The following RPL35 variants were observed in gnomAD, a reference collection of about 807,000 sequenced individuals.
The protein encoded by RPL35 is ribosomal protein L35, also known as large ribosomal subunit protein uL29.
In RPL35, 2 loss-of-function variants were observed where a neutral mutation model predicts 15.6. The ratio of observed to expected loss-of-function variants is 0.13; its 90% CI spans 0.05 to 0.40. RPL35 has a LOEUF of 0.40. Ranked by LOEUF, RPL35 falls within the 10% of genes least tolerant of loss-of-function variation. The pLI, the probability that RPL35 is intolerant of heterozygous loss-of-function variation, is 0.99. For synonymous variants in RPL35, 93 were observed against 67.9 expected (o/e 1.37, Z -1.82); for missense variants, 111 against 164.7 (o/e 0.67, Z 1.79).
Position 124,858,973 on chromosome 9 carries a change from C to T in RPL35, c.223-906G>A, listed in dbSNP as rs1298916858. ...GCCAGCCCTGGAGGGTACTTGGAAG[C>T]AGGAAAGTCTTTGTCCTCCCACATC... On this transcript the variant is annotated intron_variant, in intron 3 of 3. Transcript: ENST00000348462. Among the ~76,000 whole-genome samples, 45 of 152,220 alleles carry T rather than the reference C, an allele frequency of 3.0e-4. 1 individual carries two copies. Among genetic ancestry groups the T allele is most frequent in the Admixed American group, 2.9e-3 (45 of 15,280 alleles).
rs967170193 is a variant in RPL35 at position 124,860,096 on chromosome 9, G to T, written c.222+87C>A. On this transcript the variant is annotated intron_variant, in intron 3 of 3. Coordinates refer to ENST00000348462, the MANE Select transcript of RPL35 (RefSeq NM_007209.4). Reference sequence around the variant, plus strand: ...TAACCACTCTCAGCCCACGCACCAAGAAAAACCTCTTTACCATGTCCCCGG... The same window carrying T: ...TAACCACTCTCAGCCCACGCACCAATAAAAACCTCTTTACCATGTCCCCGG... 4.5e-5 allele frequency: 46 copies of T among 1,011,502 alleles called. 1 individual carries two copies. In the South Asian group the frequency reaches 5.6e-4, roughly 12 times the overall value. 62.7% of individuals were successfully genotyped at this position (1,011,502 alleles called of 1,614,324 possible).
At chr9:124,858,327 T>C (rs1291948043) in intron 3 of RPL35, 20 of 622,386 alleles carry the variant, frequency 3.2e-5, no homozygotes, top group Non-Finnish European at 3.0e-6. Flanking sequence ...AGCCGGGGCT[T>C]GCATCTCAGT....
At chr9:124,860,449 G>C (rs775464638) in intron 2 of RPL35, among the ~76,000 whole-genome samples, 185 bp from the exon 3 acceptor site, 2 of 152,192 alleles carry the variant, frequency 1.3e-5, no homozygotes, top group Non-Finnish European at 2.9e-5. Flanking sequence ...AGACAGCAGA[G>C]GCTTTATGAG....
At chr9:124,858,155 G>T in intron 3 of RPL35, 88 bp from the exon 4 acceptor site, 1 of 1,409,236 alleles carries the variant, frequency 7.1e-7, no homozygotes, top group Non-Finnish European at 9.7e-7. Flanking sequence ...GCCATCCAGA[G>T]CCACTCAGGA....
chr9:124,859,196 G>A (rs973321550), intron 3 of RPL35, among the ~76,000 whole-genome samples: 1 of 152,146 alleles, frequency 6.6e-6, no homozygotes, highest in African/African-American at 2.4e-5. Flanking sequence ...TTTTTGAGAT[G>A]AGGCCTCACT....
In RPL35 at chr9:124,858,944, G is replaced by A. The variant is rs1198952047; in HGVS notation, c.223-877C>T. ...GGACTGCAGAAAGATCCTGGACAATGAGGGCCAGCCCTGGAGGGTACTTGG... is the reference window on the plus strand; with the variant it reads ...GGACTGCAGAAAGATCCTGGACAATAAGGGCCAGCCCTGGAGGGTACTTGG... On this transcript the variant is annotated intron_variant, in intron 3 of 3. Coordinates refer to ENST00000348462, the MANE Select transcript of RPL35 (RefSeq NM_007209.4). Among the ~76,000 whole-genome samples the A allele has an allele frequency of 2.0e-5, 3 of 152,204 alleles. No homozygotes were observed. The East Asian group carries it at 5.8e-4, about 29-fold the overall frequency.
At chr9:124,861,117 A>G (rs1340654420) in intron 2 of RPL35, 7 of 370,410 alleles carry the variant, frequency 1.9e-5, no homozygotes, top group Non-Finnish European at 3.0e-5. Context: ...TCCAGGGTGC[A>G]AGCCACCCAC....
chr9:124,861,785 G>A (rs1829202356), intron 1 of RPL35, 125 bp downstream of exon 1: 1 of 1,393,700 alleles, frequency 7.2e-7, no homozygotes, highest in South Asian at 1.4e-5. Context: ...GGTGGCGCCA[G>A]ACCATTCTGC....
At chr9:124,861,885 T>G in intron 1 of RPL35, 25 bp downstream of exon 1, 1 of 1,602,662 alleles carries the variant, frequency 6.2e-7, no homozygotes, top group Non-Finnish European at 8.5e-7. Context: ...AGCGCTCGGA[T>G]GGCGCCCGAT....
At position 124,857,999 on chromosome 9, in the gene RPL35, C is replaced by T; in HGVS notation, c.291G>A (p.Lys97=). 1.2e-6 allele frequency: 2 copies of T among 1,612,320 alleles called. No individual in the cohort carries two copies. The change falls in exon 4 of 4, where the codon AAG becomes AAA. Residue 97 remains lysine (K), a synonymous_variant. Transcript: ENST00000348462. ...KTRAMRRRLN[K]HEENLKTKKQ... The stretch of plus-strand genomic sequence containing the variant: ...TCTTGGTCTTCAGGTTCTCCTCGTG[C>T]TTGTTGAGCCGGCGGCGCATGGCAC...
chr9:124,861,360 G>T, intron 2 of RPL35, 59 bp downstream of exon 2: 2 of 1,563,542 alleles, frequency 1.3e-6, no homozygotes, highest in Non-Finnish European at 8.7e-7. Flanking sequence ...ATCCTCCGAC[G>T]ATCCCGATGC....
chr9:124,861,421 C>G lies in RPL35; in HGVS notation c.138G>C (p.Lys46Asn), dbSNP rs1048164009. 1 of 1,612,562 alleles carries G rather than the reference C, an allele frequency of 6.2e-7. No homozygotes were observed. Among genetic ancestry groups the G allele is most frequent in the Non-Finnish European group, 8.5e-7 (1 of 1,179,662 alleles). The change falls in exon 2 of 4, where the codon AAG (lysine) becomes AAC (asparagine). Residue 46 changes from lysine (K) to asparagine (N), a missense_variant and splice_region_variant. Coordinates refer to ENST00000348462, the MANE Select transcript of RPL35 (RefSeq NM_007209.4). ...TGTGATCCGGCCGCCTCACTTACAT[C>G]TTAGAGAGCTTGGAGGCCGCACCGC... ...VTGGAASKLS[K>N]IRVVRKSIAR... is the part of the protein sequence containing the mutation.
rs1829178256 is a variant in RPL35 at position 124,860,394 on chromosome 9, C to T, written c.141-130G>A. The T allele has an allele frequency of 1.3e-5, 10 of 769,650 alleles. No homozygotes were observed. The South Asian group carries it at 1.3e-4, about 10-fold the overall frequency. 47.7% of individuals were successfully genotyped at this position (769,650 alleles called of 1,614,324 possible). A position where few individuals can be genotyped will look rare whatever the true frequency, so the allele number is the denominator to read the frequency against. ...CATCCATATTCACTCAGGAGGAAGGCGTTCTGGGAGTGAGGTCTGAGGAGG... is the reference window on the plus strand; with the variant it reads ...CATCCATATTCACTCAGGAGGAAGGTGTTCTGGGAGTGAGGTCTGAGGAGG... On this transcript the variant is annotated intron_variant, in intron 2 of 3. Coordinates refer to ENST00000348462, the MANE Select transcript of RPL35 (RefSeq NM_007209.4).
chr9:124,861,798 G>T lies in RPL35; in HGVS notation c.3+112C>A, dbSNP rs1829202611. The T allele has an allele frequency of 6.3e-6, 9 of 1,430,522 alleles. No individual in the cohort carries two copies. The Admixed American group carries it at 1.2e-4, about 19-fold the overall frequency. The allele number at this position is 1,430,522 out of a possible 1,614,324, so 88.6% of individuals were successfully genotyped here. The stretch of plus-strand genomic sequence containing the variant: ...GTGGTGGCGCCAGACCATTCTGCGC[G>T]GCGCCCCACAGGCCTAGGTGGCAGA... On this transcript the variant is annotated intron_variant, in intron 1 of 3. Transcript: ENST00000348462.
chr9:124,860,998 AT>A (rs1554764227), intron 2 of RPL35: 34 of 164,990 alleles, frequency 2.1e-4, no homozygotes, highest in South Asian at 1.1e-3. Flanking sequence ...CACCCATCTA[AT>A]TTTTTTTTGA....
chr9:124,860,124 AG>A lies in RPL35; in HGVS notation c.222+58del, dbSNP rs991678205. 3.1e-6 allele frequency: 4 copies of A among 1,270,472 alleles called. No homozygotes were observed. The African/African-American group carries it at 5.9e-5, about 19-fold the overall frequency. The allele number at this position is 1,270,472 out of a possible 1,614,324, so 78.7% of individuals were successfully genotyped here. On this transcript the variant is annotated intron_variant, in intron 3 of 3. Coordinates refer to ENST00000348462, the MANE Select transcript of RPL35 (RefSeq NM_007209.4). ...AAACCTCTTTACCATGTCCCCGGCC[AG>A]GGACGGCTAGCACTTGGCTTCCTGC...
chr9:124,858,399 A>T (rs2131323631), intron 3 of RPL35: 1 of 671,442 alleles, frequency 1.5e-6, no homozygotes, highest in East Asian at 2.7e-5. Flanking sequence ...GGACAGTCAC[A>T]TGACAACCTA....
chr9:124,861,725 C>T, intron 1 of RPL35, 170 bp from the exon 2 acceptor site: 1 of 1,315,724 alleles, frequency 7.6e-7, no homozygotes, highest in Non-Finnish European at 1.0e-6. Context: ...CAGAGTAACC[C>T]AGGCCCGGGC....
chr9:124,861,902 G>A lies in RPL35; in HGVS notation c.3+8C>T. The A allele has an allele frequency of 6.2e-7, 1 of 1,604,082 alleles. No homozygotes were observed. Among genetic ancestry groups the A allele is most frequent in the Non-Finnish European group, 8.5e-7 (1 of 1,176,484 alleles). On this transcript the variant is annotated splice_region_variant and intron_variant, in intron 1 of 3. Coordinates refer to ENST00000348462, the MANE Select transcript of RPL35 (RefSeq NM_007209.4). Reference sequence around the variant, plus strand: ...CGCTCGGATGGCGCCCGATTCCGCAGCTCTCACCATTGCTGCACAAGCCGC... The same window carrying A: ...CGCTCGGATGGCGCCCGATTCCGCAACTCTCACCATTGCTGCACAAGCCGC...
Sources: gnomAD v4.1 joint callset for allele counts (sites outside exome capture counted in the v4.1 genomes callset) on GRCh38, gnomAD v4.1.1 for gene constraint, MANE v1.5 for transcripts, NCBI Gene and HGNC (gene_info 2026-07-23, HGNC 2026-07-21) for gene names.